ERBB4: variants seen among roughly 807,000 people sequenced by gnomAD.
The protein encoded by ERBB4 is receptor tyrosine-protein kinase erbB-4.
Under a neutral mutation model 158.0 loss-of-function variants are expected in ERBB4, and 42 were observed. That is an observed-to-expected ratio of 0.27 (90% CI 0.21 to 0.34). ERBB4 has a LOEUF of 0.34. Among genes scored for constraint, ERBB4 ranks in the 10% least tolerant of loss-of-function variants. ERBB4 has a pLI of 1.00. For missense variants in ERBB4, 1,333 were observed against 1,624.1 expected (o/e 0.82, Z 3.08); for synonymous variants, 583 against 558.7 (o/e 1.04, Z -0.61).
At chr2:212,115,397 A>G (rs2125549706) in intron 2 of ERBB4, among the ~76,000 whole-genome samples, 1 of 152,258 alleles carries the variant, frequency 6.6e-6, no homozygotes, top group Non-Finnish European at 1.5e-5. Flanking sequence ...GCTAATGAAA[A>G]TATATGTAGT....
chr2:212,367,223 A>G (rs1408068953), intron 1 of ERBB4, among the ~76,000 whole-genome samples: 1 of 152,080 alleles, frequency 6.6e-6, no homozygotes, highest in Non-Finnish European at 1.5e-5. Flanking sequence ...TCTGGCCTCC[A>G]GAACTCTGAG....
intron 20 of ERBB4, among the ~76,000 whole-genome samples, chr2:211,431,676 A>G (rs1226563747): frequency 1.3e-5 from 2 of 152,188 alleles, no homozygotes; most frequent in African/African-American, 4.8e-5. Flanking sequence ...GCAGTCTTAC[A>G]AACCTGTAAT....
At chr2:211,881,894 G>C (rs1342990653) in intron 3 of ERBB4, among the ~76,000 whole-genome samples, 15 of 152,156 alleles carry the variant, frequency 9.9e-5, no homozygotes. Flanking sequence ...CAACGAAGCA[G>C]CTTCAGTGGC....
At chr2:212,013,275 T>C (rs961122277) in intron 2 of ERBB4, among the ~76,000 whole-genome samples, 1 of 152,090 alleles carries the variant, frequency 6.6e-6, no homozygotes, top group Non-Finnish European at 1.5e-5. Context: ...CGGGTGTAAT[T>C]ATTATTTTAA....
intron 2 of ERBB4, among the ~76,000 whole-genome samples, chr2:212,077,548 A>G (rs569827864): frequency 1.3e-5 from 2 of 152,138 alleles, no homozygotes; most frequent in East Asian, 1.9e-4. Flanking sequence ...AAAAGAATAC[A>G]TATTATTAGA....
intron 15 of ERBB4, among the ~76,000 whole-genome samples, chr2:211,664,306 C>G (rs1360998221): frequency 6.6e-6 from 1 of 151,550 alleles, no homozygotes; most frequent in Non-Finnish European, 1.5e-5. Flanking sequence ...ATAAAGTACC[C>G]AAGCTGATTC....
chr2:211,599,511 T>TTGTG (rs201810389), intron 19 of ERBB4, among the ~76,000 whole-genome samples: 5 of 20,748 alleles, frequency 2.4e-4, no homozygotes, highest in African/African-American at 3.2e-4. Flanking sequence ...AAATAATTTC[T>TTGTG]TCTGTGTGTG....
chr2:211,855,401 T>C (rs2077831042), intron 3 of ERBB4, among the ~76,000 whole-genome samples: 1 of 152,174 alleles, frequency 6.6e-6, no homozygotes, highest in Non-Finnish European at 1.5e-5. Flanking sequence ...TATACATGTG[T>C]ATGTGTGTCC....
chr2:212,296,456 G>A (rs930643853), intron 1 of ERBB4, among the ~76,000 whole-genome samples: 3 of 151,912 alleles, frequency 2.0e-5, no homozygotes, highest in East Asian at 2.0e-4. Flanking sequence ...CAGTTCTTCA[G>A]TAATGTAAAG....
chr2:212,242,660 C>T (rs1251175087), intron 1 of ERBB4, among the ~76,000 whole-genome samples: 3 of 151,570 alleles, frequency 2.0e-5, no homozygotes, highest in African/African-American at 7.3e-5. Context: ...AGCATGTTAC[C>T]ATGAGTGAAA....
intron 20 of ERBB4, among the ~76,000 whole-genome samples, chr2:211,489,270 A>G (rs958304553): frequency 1.3e-5 from 2 of 152,058 alleles, no homozygotes; most frequent in East Asian, 1.9e-4. Context: ...GCAACAGTTC[A>G]TTATGATGAC....
At chr2:211,656,646 C>T (rs757462550) in intron 16 of ERBB4, among the ~76,000 whole-genome samples, 52 of 152,260 alleles carry the variant, frequency 3.4e-4, no homozygotes, top group East Asian at 2.5e-3. Context: ...CCTTATCCTC[C>T]GATCTCCAGC....
chr2:212,029,061 C>G (rs370726023), intron 2 of ERBB4, among the ~76,000 whole-genome samples: 1 of 152,050 alleles, frequency 6.6e-6, no homozygotes, highest in East Asian at 1.9e-4. Flanking sequence ...CGTTGCCTCC[C>G]CTTTCCATGG....
rs937427107 is a variant in ERBB4, at chr2:212,143,598, A to C, written c.83-18695T>G. Among the ~76,000 whole-genome samples the C allele has an allele frequency of 2.0e-5, 3 of 152,154 alleles. No homozygotes were observed. The South Asian group carries it at 6.2e-4, about 32-fold the overall frequency. ...TGGCTGTGACTCACATAGAAGGAATACTAGAAATGGGTTAAATAAAAACAG... is the reference window on the plus strand; with the variant it reads ...TGGCTGTGACTCACATAGAAGGAATCCTAGAAATGGGTTAAATAAAAACAG... On this transcript the variant is annotated intron_variant, in intron 1 of 27. Transcript: ENST00000342788.
intron 1 of ERBB4, among the ~76,000 whole-genome samples, chr2:212,261,461 A>G (rs112848740): frequency 2.8e-4 from 43 of 152,296 alleles, no homozygotes; most frequent in African/African-American, 1.0e-3. Flanking sequence ...CAAAAATATG[A>G]GGATTTAGGG....
chr2:211,711,446 C>T (rs1000226716), intron 9 of ERBB4, among the ~76,000 whole-genome samples: 3 of 151,992 alleles, frequency 2.0e-5, no homozygotes, highest in African/African-American at 7.2e-5. Context: ...CCAGTTAAAA[C>T]GAGTAGGGGG....
chr2:212,240,661 A>AAAAAAAAAAAAAAC, intron 1 of ERBB4, among the ~76,000 whole-genome samples: 3 of 148,044 alleles, frequency 2.0e-5, no homozygotes, highest in Non-Finnish European at 4.5e-5. Flanking sequence ...AAAAAAAAAA[A>AAAAAAAAAAAAAAC]AAAAAACAGA....
intron 2 of ERBB4, among the ~76,000 whole-genome samples, chr2:211,973,908 GAAT>G (rs1468348014): frequency 6.6e-6 from 1 of 152,098 alleles, no homozygotes; most frequent in Non-Finnish European, 1.5e-5. Context: ...CCATAAAAAA[GAAT>G]AAAGTCATGT....
At position 212,538,565 on chromosome 2, in the gene ERBB4, C is replaced by T. The variant is rs761693207; in HGVS notation, c.-35G>A. ...GTCTCAGATCCCGTGCTGACAATTA[C>T]ATGTCCAAATGGCATATCCCCCTTT... On this transcript the variant is annotated 5_prime_UTR_variant, in exon 1 of 28. The change abolishes an upstream ATG in the 5' untranslated region. Transcript: ENST00000342788. 3.9e-5 allele frequency: 62 copies of T among 1,593,194 alleles called. No homozygotes were observed. The highest frequency in any genetic ancestry group is 2.0e-4 in the East Asian group (9 of 44,752).
Sources: allele counts gnomAD v4.1 joint callset (sites outside exome capture counted in the v4.1 genomes callset), GRCh38; gene constraint gnomAD v4.1.1; transcripts MANE v1.5; gene names NCBI Gene and HGNC (gene_info 2026-07-23, HGNC 2026-07-21).